The following RBFOX1 variants were observed in gnomAD, a reference collection of about 807,000 sequenced individuals.
RBFOX1 encodes RNA binding protein fox-1 homolog 1.
RBFOX1 carries 8 observed loss-of-function variants against 57.7 expected under a neutral mutation model. The ratio of observed to expected loss-of-function variants is 0.14; its 90% CI spans 0.08 to 0.25. The LOEUF is 0.25. Ranked by LOEUF, RBFOX1 falls within the 10% of genes least tolerant of loss-of-function variation. The pLI is 1.00. For missense variants in RBFOX1, 611 were observed against 548.5 expected, an observed-to-expected ratio of 1.11 and a Z score of -1.14; for synonymous variants, 326 against 222.4, an observed-to-expected ratio of 1.47 and a Z score of -4.15.
intron 10 of RBFOX1, among the ~76,000 whole-genome samples, chr16:7,621,068 C>G (rs1316541329): frequency 2.0e-5 from 3 of 152,090 alleles, no homozygotes; most frequent in East Asian, 1.9e-4. Flanking sequence ...AGATAAGAAT[C>G]TGCATTTAGA....
At chr16:7,424,340 A>G (rs1252749406) in intron 4 of RBFOX1, among the ~76,000 whole-genome samples, 1 of 152,064 alleles carries the variant, frequency 6.6e-6, no homozygotes, top group Non-Finnish European at 1.5e-5. Context: ...TCTGACTGCA[A>G]CCTCTGCATC....
At position 6,780,836 on chromosome 16, in the gene RBFOX1, T is replaced by A. The variant is rs1567219771; in HGVS notation, c.-16+126186T>A. Reference sequence around the variant, plus strand: ...GATGTTTGCTCATTTTTATTTGGATTATTTGGGTTGGGGTTTTGTACCAAG... The same window carrying A: ...GATGTTTGCTCATTTTTATTTGGATAATTTGGGTTGGGGTTTTGTACCAAG... On this transcript the variant is annotated intron_variant, in intron 3 of 15. Transcript: ENST00000550418. 2.6e-5 allele frequency among the ~76,000 whole-genome samples: 4 copies of A among 152,050 alleles called. No individual in the cohort carries two copies. The East Asian group carries it at 7.7e-4, about 29-fold the overall frequency.
At chr16:6,191,050 C>T (rs557610256) in intron 1 of RBFOX1, among the ~76,000 whole-genome samples, 2 of 151,998 alleles carry the variant, frequency 1.3e-5, no homozygotes, top group Non-Finnish European at 2.9e-5. Context: ...TGTGTGGTTC[C>T]TCTTTGCTTT....
intron 4 of RBFOX1, among the ~76,000 whole-genome samples, chr16:7,221,307 A>G (rs551420942): frequency 7.4e-4 from 113 of 152,128 alleles, no homozygotes; most frequent in Admixed American, 2.6e-3. Flanking sequence ...AAACACAAAT[A>G]TTAACTTTTG....
intron 2 of RBFOX1, among the ~76,000 whole-genome samples, chr16:6,489,897 C>T (rs1449126298): frequency 6.6e-6 from 1 of 151,430 alleles, no homozygotes; most frequent in African/African-American, 2.4e-5. Context: ...CCATTTTATC[C>T]CCTACTTAAT....
chr16:6,016,649 A>G (rs956922165), upstream of RBFOX1, among the ~76,000 whole-genome samples: 1 of 152,226 alleles, frequency 6.6e-6, no homozygotes, highest in Non-Finnish European at 1.5e-5. Flanking sequence ...ACATTTGCTT[A>G]GATCACAAAT....
At chr16:7,233,594 C>T (rs1021654804) in intron 4 of RBFOX1, among the ~76,000 whole-genome samples, 2 of 152,128 alleles carry the variant, frequency 1.3e-5, no homozygotes, top group African/African-American at 4.8e-5. Context: ...GTGGTATAGT[C>T]TGGGGAATAC....
chr16:7,464,741 G>T (rs2060196433), intron 4 of RBFOX1, among the ~76,000 whole-genome samples: 1 of 126,346 alleles, frequency 7.9e-6, no homozygotes, highest in African/African-American at 3.0e-5. Flanking sequence ...CTGTCGCCCA[G>T]GCTGGAGTGC....
chr16:6,210,350 A>C lies in RBFOX1; in HGVS notation c.-126-106645A>C, dbSNP rs7498720. ...AAAACAAAAAAACAAAAAAACAAAA[A>C]AAAAAAACACCAAAAAAAAAAAAAA... On this transcript the variant is annotated intron_variant, in intron 1 of 15. Coordinates refer to ENST00000550418, the MANE Select transcript of RBFOX1 (RefSeq NM_018723.4). 4.9e-4 allele frequency among the ~76,000 whole-genome samples: 31 copies of C among 62,994 alleles called. 1 individual carries two copies. Among genetic ancestry groups the C allele is most frequent in the Middle Eastern group, 7.9e-3 (1 of 126 alleles). 41.3% of individuals were successfully genotyped at this position (62,994 alleles called of 152,430 possible). A position where few individuals can be genotyped will look rare whatever the true frequency, so the allele number is the denominator to read the frequency against.
intron 4 of RBFOX1, among the ~76,000 whole-genome samples, chr16:7,274,797 GGC>G (rs369793931): frequency 6.6e-5 from 10 of 152,120 alleles, no homozygotes; most frequent in African/African-American, 2.2e-4. Flanking sequence ...TGATTCTCAT[GGC>G]TCAGCCTCCT....
chr16:7,383,346 G>C (rs543515837), intron 4 of RBFOX1, among the ~76,000 whole-genome samples: 1 of 151,164 alleles, frequency 6.6e-6, no homozygotes, highest in African/African-American at 2.4e-5. Flanking sequence ...ACAAAATTAG[G>C]CTCCCCAGTG....
chr16:6,924,200 A>AATAATG (rs1416061269), intron 3 of RBFOX1, among the ~76,000 whole-genome samples: 3 of 151,860 alleles, frequency 2.0e-5, no homozygotes, highest in African/African-American at 7.3e-5. Flanking sequence ...TAATAGCAAT[A>AATAATG]ATGCCACCTG....
intron 2 of RBFOX1, among the ~76,000 whole-genome samples, chr16:6,390,037 C>G (rs527301743): frequency 6.6e-6 from 1 of 152,238 alleles, no homozygotes; most frequent in South Asian, 2.1e-4. Context: ...TCAGGAGCTC[C>G]ATCTTCTCAT....
intron 4 of RBFOX1, among the ~76,000 whole-genome samples, chr16:5,986,619 T>C (rs2060291846): frequency 6.6e-6 from 1 of 152,248 alleles, no homozygotes; most frequent in South Asian, 2.1e-4. Context: ...AAATGTTATA[T>C]ACATAGAATC....
At chr16:5,508,318 A>C (rs2043449134) in intron 2 of RBFOX1, among the ~76,000 whole-genome samples, 1 of 152,026 alleles carries the variant, frequency 6.6e-6, no homozygotes, top group South Asian at 2.1e-4. Context: ...CTCAGGGGCC[A>C]CCCTCAGCTC....
intron 3 of RBFOX1, among the ~76,000 whole-genome samples, chr16:5,776,577 G>A (rs986953366): frequency 2.6e-5 from 4 of 152,216 alleles, no homozygotes; most frequent in Admixed American, 2.6e-4. Context: ...GAACATTTTA[G>A]GCAGTCTTTT....
chr16:5,759,907 C>T (rs975466809), intron 3 of RBFOX1, among the ~76,000 whole-genome samples: 7 of 151,882 alleles, frequency 4.6e-5, no homozygotes, highest in African/African-American at 1.7e-4. Context: ...TGCAGTTTTA[C>T]TGTTTAAAAC....
At chr16:7,597,937 C>G (rs2094793748) in intron 9 of RBFOX1, among the ~76,000 whole-genome samples, 1 of 152,122 alleles carries the variant, frequency 6.6e-6, no homozygotes, top group African/African-American at 2.4e-5. Context: ...GTTATTTGTT[C>G]TTCTCTGGGC....
chr16:5,603,393 T>C (rs1327502844), downstream of RBFOX1, among the ~76,000 whole-genome samples: 6 of 151,998 alleles, frequency 3.9e-5, no homozygotes, highest in Non-Finnish European at 7.4e-5. Flanking sequence ...TCATAGCTAA[T>C]GGGGAAGCAG....
Sources: gnomAD v4.1 joint callset for allele counts (sites outside exome capture counted in the v4.1 genomes callset) on GRCh38, gnomAD v4.1.1 for gene constraint, MANE v1.5 for transcripts, NCBI Gene and HGNC (gene_info 2026-07-23, HGNC 2026-07-21) for gene names.